Variants in BMP5 observed in about 807,000 individuals in gnomAD.
BMP5 encodes the protein bone morphogenetic protein 5.
Under a neutral mutation model 46.6 loss-of-function variants are expected in BMP5, and 23 were observed. That is an observed-to-expected ratio of 0.49 (90% CI 0.35 to 0.70). The LOEUF (loss-of-function observed/expected upper bound fraction) is 0.70. Ranked by LOEUF, BMP5 falls within the 30% of genes least tolerant of loss-of-function variation. The probability of loss-of-function intolerance (pLI) is 0.00; values close to 1 mark genes in which losing one functional copy is unlikely to be tolerated. For synonymous variants in BMP5, 204 were observed against 191.9 expected (o/e 1.06, Z -0.52); for missense variants, 545 against 565.6 (o/e 0.96, Z 0.37).
intron 4 of BMP5, among the ~76,000 whole-genome samples, chr6:55,766,537 C>A (rs1017183835): frequency 6.6e-5 from 10 of 152,236 alleles, no homozygotes; most frequent in Non-Finnish European, 8.8e-5. Flanking sequence ...TCTCTCCAAT[C>A]TATGATCTTC....
At chr6:55,814,967 T>TA (rs2127536743) in intron 2 of BMP5, among the ~76,000 whole-genome samples, 1 of 152,060 alleles carries the variant, frequency 6.6e-6, no homozygotes, top group Admixed American at 6.5e-5. Context: ...ATCCCCTCTC[T>TA]ACTAAAAATA....
chr6:55,822,231 AACATAG>A (rs1313674265), intron 1 of BMP5, among the ~76,000 whole-genome samples: 2 of 152,186 alleles, frequency 1.3e-5, no homozygotes, highest in African/African-American at 4.8e-5. Context: ...CTATTTTGTT[AACATAG>A]ACCTAAAATC....
At chr6:55,839,137 A>G (rs933660518) in intron 1 of BMP5, among the ~76,000 whole-genome samples, 2 of 152,120 alleles carry the variant, frequency 1.3e-5, no homozygotes, top group Non-Finnish European at 2.9e-5. Context: ...GCCATAACAT[A>G]CCTAGATTGC....
intron 4 of BMP5, among the ~76,000 whole-genome samples, chr6:55,764,227 T>C (rs768690249): frequency 2.0e-5 from 3 of 152,110 alleles, no homozygotes; most frequent in Non-Finnish European, 4.4e-5. Context: ...AGTGTATGAA[T>C]GGATAAAGAA....
At chr6:55,805,782 C>T (rs980869675) in intron 2 of BMP5, among the ~76,000 whole-genome samples, 1 of 152,172 alleles carries the variant, frequency 6.6e-6, no homozygotes, top group Non-Finnish European at 1.5e-5. Flanking sequence ...GAGATGGTAG[C>T]TCACTGTGGT....
intron 2 of BMP5, among the ~76,000 whole-genome samples, chr6:55,814,554 C>T (rs1269527941): frequency 6.6e-6 from 1 of 152,056 alleles, no homozygotes; most frequent in African/African-American, 2.4e-5. Context: ...TCTTATGGCA[C>T]TATATTATTA....
At chr6:55,847,155 G>A (rs980705410) in intron 1 of BMP5, among the ~76,000 whole-genome samples, 1 of 151,870 alleles carries the variant, frequency 6.6e-6, no homozygotes, top group Admixed American at 6.6e-5. Context: ...GCCCAAGTTA[G>A]CACAGCTTAG....
intron 5 of BMP5, 74 bp from the exon 6 acceptor site, chr6:55,759,189 AGAAAAAATAT>A (rs1774701584): frequency 1.3e-6 from 1 of 777,598 alleles, no homozygotes; most frequent in Non-Finnish European, 1.9e-6. Context: ...AAAAACAACA[AGAAAAAATAT>A]CACCAAAGTA....
chr6:55,806,345 T>C (rs1157384593), intron 2 of BMP5, among the ~76,000 whole-genome samples: 1 of 152,190 alleles, frequency 6.6e-6, no homozygotes, highest in Non-Finnish European at 1.5e-5. Flanking sequence ...CCATTGCTTG[T>C]TTTTGTCTGG....
At chr6:55,813,423 T>G (rs1321402163) in intron 2 of BMP5, among the ~76,000 whole-genome samples, 1 of 151,956 alleles carries the variant, frequency 6.6e-6, no homozygotes, top group Non-Finnish European at 1.5e-5. Context: ...ATAATGTATA[T>G]AATAATGTTT....
At chr6:55,833,056 A>G (rs533944349) in intron 1 of BMP5, among the ~76,000 whole-genome samples, 2 of 152,224 alleles carry the variant, frequency 1.3e-5, no homozygotes, top group East Asian at 3.9e-4. Flanking sequence ...TTCAAGGTTA[A>G]AGTGAGCTAT....
chr6:55,816,924 A>C (rs1272265384), intron 2 of BMP5, among the ~76,000 whole-genome samples: 1 of 152,226 alleles, frequency 6.6e-6, no homozygotes, highest in Non-Finnish European at 1.5e-5. Flanking sequence ...CAACTCTATC[A>C]ACAAGTGGGC....
At chr6:55,835,181 G>A (rs1029091583) in intron 1 of BMP5, among the ~76,000 whole-genome samples, 3 of 152,008 alleles carry the variant, frequency 2.0e-5, no homozygotes, top group Admixed American at 2.0e-4. Flanking sequence ...TTCATTAGCA[G>A]AAAAATATTT....
intron 1 of BMP5, among the ~76,000 whole-genome samples, chr6:55,850,387 TAGA>T (rs1562069952): frequency 6.7e-6 from 1 of 149,280 alleles, no homozygotes; most frequent in African/African-American, 2.5e-5. Flanking sequence ...GATAGATAGA[TAGA>T]TAGATCGATA....
intron 1 of BMP5, 129 bp downstream of exon 1, chr6:55,874,245 CAG>C: frequency 1.8e-6 from 2 of 1,138,454 alleles, no homozygotes; most frequent in South Asian, 2.8e-5. Context: ...AGAAAGAAAA[CAG>C]AAGCTAAACA....
intron 1 of BMP5, among the ~76,000 whole-genome samples, chr6:55,853,203 AAAATAAAAT>A (rs1777295983): frequency 1.5e-5 from 2 of 137,032 alleles, no homozygotes; most frequent in Non-Finnish European, 3.1e-5. Context: ...AAAATAAAAT[AAAATAAAAT>A]AAAATAAGAT....
chr6:55,875,134 T>C lies in BMP5; in HGVS notation c.-269A>G, dbSNP rs1777879175. On this transcript the variant is annotated 5_prime_UTR_variant, in exon 1 of 7. The change abolishes an upstream ATG in the 5' untranslated region. Transcript: ENST00000370830. ...ACAGTTGTTAAGAGTTTTTGCTGCA[T>C]TGATGTAGCAGAAGACGGCTAATAT... The C allele has an allele frequency of 5.3e-6, 2 of 379,434 alleles. No homozygotes were observed. Among genetic ancestry groups the C allele is most frequent in the Middle Eastern group, 8.0e-4 (1 of 1,244 alleles). 23.5% of individuals were successfully genotyped at this position (379,434 alleles called of 1,614,324 possible).
intron 6 of BMP5, among the ~76,000 whole-genome samples, chr6:55,757,377 T>C (rs988464962): frequency 2.0e-5 from 3 of 151,984 alleles, no homozygotes; most frequent in African/African-American, 7.2e-5. Flanking sequence ...AGTTATTCTA[T>C]GACCTTACAG....
chr6:55,754,815 C>T lies in BMP5; in HGVS notation c.*718G>A, dbSNP rs1464316102. The stretch of plus-strand genomic sequence containing the variant: ...AAGGTTGTACTACAATTAGTGTTAA[C>T]TTGGAAAGCTATGGACACAGGCTCA... On this transcript the variant is annotated 3_prime_UTR_variant, in exon 7 of 7. Transcript: ENST00000370830. 6.6e-6 allele frequency: 1 copy of T among 151,992 alleles called. No individual in the cohort carries two copies. Among genetic ancestry groups the T allele is most frequent in the African/African-American group, 2.4e-5 (1 of 41,434 alleles). 9.4% of individuals were successfully genotyped at this position (151,992 alleles called of 1,614,324 possible).
Sources: gnomAD v4.1 joint callset for allele counts (sites outside exome capture counted in the v4.1 genomes callset) on GRCh38, gnomAD v4.1.1 for gene constraint, MANE v1.5 for transcripts, NCBI Gene and HGNC (gene_info 2026-07-23, HGNC 2026-07-21) for gene names.